The following PLCE1 variants were observed in gnomAD, a reference collection of about 807,000 sequenced individuals.
The protein encoded by PLCE1 is phospholipase C epsilon 1.
PLCE1 carries 119 observed loss-of-function variants against 242.8 expected under a neutral mutation model. The ratio of observed to expected loss-of-function variants is 0.49; its 90% confidence interval spans 0.42 to 0.57. The LOEUF (loss-of-function observed/expected upper bound fraction) is 0.57, where lower values mean the gene tolerates loss of function less well. Ranked by LOEUF, PLCE1 falls within the 20% of genes least tolerant of loss-of-function variation. PLCE1 has a pLI of 0.00. For missense variants in PLCE1, 2,441 were observed against 2,788.8 expected (o/e 0.88, Z 2.81); for synonymous variants, 945 against 1,017.4 (o/e 0.93, Z 1.35).
chr10:94,313,136 C>T (rs2133737998), intron 27 of PLCE1, 118 bp from the exon 28 acceptor site: 1 of 1,195,904 alleles, frequency 8.4e-7, no homozygotes, highest in South Asian at 1.2e-5. Context: ...AATGGACTCT[C>T]ATCTTTTGCA....
chr10:94,036,301 C>A (rs2061662530), intron 2 of PLCE1, among the ~76,000 whole-genome samples: 1 of 152,172 alleles, frequency 6.6e-6, no homozygotes, highest in African/African-American at 2.4e-5. Flanking sequence ...TCTTCTCACT[C>A]AGGGATGTTT....
intron 22 of PLCE1, among the ~76,000 whole-genome samples, chr10:94,289,606 C>T (rs2052578021): frequency 6.6e-6 from 1 of 152,162 alleles, no homozygotes; most frequent in East Asian, 1.9e-4. Flanking sequence ...GCACTGAATA[C>T]GGTAGGTAAG....
intron 2 of PLCE1, among the ~76,000 whole-genome samples, chr10:94,034,081 A>G (rs1214830692): frequency 1.3e-5 from 2 of 152,132 alleles, no homozygotes; most frequent in Non-Finnish European, 2.9e-5. Context: ...CATGTCTTAT[A>G]TGGTGGCAGG....
At chr10:94,181,227 A>G (rs570255533) in intron 4 of PLCE1, among the ~76,000 whole-genome samples, 1 of 152,274 alleles carries the variant, frequency 6.6e-6, no homozygotes, top group South Asian at 2.1e-4. Context: ...CCCACCCCCA[A>G]GAGATTCTGC....
chr10:94,082,658 T>G (rs973195646), intron 2 of PLCE1, among the ~76,000 whole-genome samples: 2 of 152,354 alleles, frequency 1.3e-5, no homozygotes, highest in Middle Eastern at 3.4e-3. Context: ...TTTGAATGAA[T>G]GAATGTTATT....
intron 4 of PLCE1, among the ~76,000 whole-genome samples, chr10:94,180,145 T>C (rs1030470876): frequency 2.6e-5 from 4 of 152,160 alleles, no homozygotes; most frequent in African/African-American, 7.2e-5. Context: ...ATCTGCTTGA[T>C]ACTTTTGAAT....
chr10:94,232,304 T>A (rs1323461089), intron 5 of PLCE1, among the ~76,000 whole-genome samples: 1 of 152,238 alleles, frequency 6.6e-6, no homozygotes, highest in Non-Finnish European at 1.5e-5. Flanking sequence ...ATCAAAATTT[T>A]AATATCTCAT....
intron 2 of PLCE1, among the ~76,000 whole-genome samples, chr10:94,106,369 A>G (rs573408133): frequency 2.0e-5 from 3 of 152,324 alleles, no homozygotes; most frequent in African/African-American, 7.2e-5. Context: ...CATATATCAC[A>G]GCCACATTAT....
At chr10:93,999,661 C>T (rs980133710) in intron 1 of PLCE1, among the ~76,000 whole-genome samples, 1 of 152,234 alleles carries the variant, frequency 6.6e-6, no homozygotes, top group Non-Finnish European at 1.5e-5. Context: ...GGAGCAGTTC[C>T]TGGGCTGGCC....
At chr10:94,254,853 A>T (rs763822801) in intron 10 of PLCE1, 40 bp from the exon 11 acceptor site, 3 of 1,608,690 alleles carry the variant, frequency 1.9e-6, no homozygotes, top group Non-Finnish European at 2.6e-6. Flanking sequence ...GGAAAGTATA[A>T]TCTGAGTCAT....
At chr10:93,996,409 G>T (rs916243325) in intron 1 of PLCE1, among the ~76,000 whole-genome samples, 1 of 152,200 alleles carries the variant, frequency 6.6e-6, no homozygotes, top group Non-Finnish European at 1.5e-5. Context: ...AGGGAAGACA[G>T]GTGATTAGGA....
chr10:94,161,930 T>C (rs2136222678), intron 3 of PLCE1, among the ~76,000 whole-genome samples: 1 of 152,366 alleles, frequency 6.6e-6, no homozygotes, highest in East Asian at 1.9e-4. Context: ...GTTTTTGTCA[T>C]TGGTTCTGTT....
At chr10:94,103,694 T>C (rs1441287327) in intron 2 of PLCE1, among the ~76,000 whole-genome samples, 1 of 152,198 alleles carries the variant, frequency 6.6e-6, no homozygotes, top group African/African-American at 2.4e-5. Context: ...TTCTAAGTGT[T>C]GAGCTAAAAT....
intron 2 of PLCE1, among the ~76,000 whole-genome samples, chr10:94,128,284 T>A (rs2046494516): frequency 6.6e-6 from 1 of 152,136 alleles, no homozygotes. Flanking sequence ...CTGTGCCTGA[T>A]CAATACCTTG....
chr10:94,171,535 C>A, intron 4 of PLCE1, 39 bp downstream of exon 4: 1 of 1,505,096 alleles, frequency 6.6e-7, no homozygotes, highest in Non-Finnish European at 9.3e-7. Context: ...ATTTGACTCA[C>A]CCGTAAGTGA....
intron 11 of PLCE1, among the ~76,000 whole-genome samples, chr10:94,256,913 T>G (rs1341847735): frequency 2.6e-5 from 4 of 152,274 alleles, no homozygotes; most frequent in Non-Finnish European, 5.9e-5. Flanking sequence ...CAAACAGAGT[T>G]TCCTAGAATC....
intron 3 of PLCE1, among the ~76,000 whole-genome samples, chr10:94,159,091 C>T (rs2047527604): frequency 6.6e-6 from 1 of 151,928 alleles, no homozygotes; most frequent in African/African-American, 2.4e-5. Context: ...ATTCTGTCAA[C>T]TTTTTTCTTT....
chr10:94,304,616 A>G lies in PLCE1; in HGVS notation c.5593A>G (p.Ser1865Gly). 6.2e-7 allele frequency: 1 copy of G among 1,614,138 alleles called. No individual in the cohort carries two copies. The highest frequency in any genetic ancestry group is 8.5e-7 in the Non-Finnish European group (1 of 1,179,984). The change falls in exon 25 of 33, where the codon AGC becomes GGC. Residue 1865 changes from serine (S) to glycine (G), a missense_variant. Physicochemically the swap from Ser to Gly is moderately conservative, Grantham distance 56. This residue lies in a region of PLCE1 where 1,004 missense variants were observed against 1,322.7 expected (regional missense o/e 0.76). Transcript: ENST00000371380. The part of the protein sequence containing the change: ...KFSPLERDLD[S>G]MDPAVYSLTI... ...TTCTCCACTAGAAAGAGATCTGGAC[A>G]GCATGGATCCTGCAGTCTATTCTTT...
At chr10:94,048,353 C>T (rs1349978280) in intron 2 of PLCE1, among the ~76,000 whole-genome samples, 1 of 151,970 alleles carries the variant, frequency 6.6e-6, no homozygotes, top group Non-Finnish European at 1.5e-5. Flanking sequence ...TAGTAGTAAA[C>T]TGTTTTCTAA....
Sources: allele counts gnomAD v4.1 joint callset (sites outside exome capture counted in the v4.1 genomes callset), GRCh38; gene constraint gnomAD v4.1.1; regional missense constraint gnomAD v4.1.1; transcripts MANE v1.5; gene names NCBI Gene and HGNC (gene_info 2026-07-23, HGNC 2026-07-21).